The following NRG1 variants were observed in gnomAD, a reference collection of about 807,000 sequenced individuals.
NRG1 encodes pro-neuregulin-1, membrane-bound isoform.
NRG1 carries 18 observed loss-of-function variants against 63.8 expected under a neutral mutation model. The ratio of observed to expected loss-of-function variants is 0.28; its 90% CI spans 0.19 to 0.42. The LOEUF (loss-of-function observed/expected upper bound fraction) is 0.42. NRG1 is among the 10% of genes least tolerant of loss of function. NRG1 has a pLI of 1.00. For synonymous variants in NRG1, 302 were observed against 301.3 expected (o/e 1.00, Z -0.02); for missense variants, 762 against 814.7 (o/e 0.94, Z 0.79).
chr8:32,247,005 G>A (rs1466397042), intron 1 of NRG1, among the ~76,000 whole-genome samples: 3 of 151,916 alleles, frequency 2.0e-5, no homozygotes, highest in Non-Finnish European at 4.4e-5. Flanking sequence ...AAGTGATGTC[G>A]TTAACTGGCT....
chr8:32,568,317 C>T (rs1027640234), intron 1 of NRG1, among the ~76,000 whole-genome samples: 1 of 152,152 alleles, frequency 6.6e-6, no homozygotes. Flanking sequence ...CTCACTGAAT[C>T]TCTTTGAGCT....
At chr8:31,854,302 T>G (rs906082470) in intron 1 of NRG1, among the ~76,000 whole-genome samples, 1 of 152,236 alleles carries the variant, frequency 6.6e-6, no homozygotes, top group Non-Finnish European at 1.5e-5. Flanking sequence ...CTGTTATTGG[T>G]CTACTCAGAG....
At chr8:32,241,227 C>A (rs1848067657) in intron 1 of NRG1, among the ~76,000 whole-genome samples, 1 of 152,094 alleles carries the variant, frequency 6.6e-6, no homozygotes, top group South Asian at 2.1e-4. Context: ...GCTGGTCAGA[C>A]CACACTCTGG....
At chr8:32,585,424 T>C (rs1475396203) in intron 1 of NRG1, among the ~76,000 whole-genome samples, 1 of 152,182 alleles carries the variant, frequency 6.6e-6, no homozygotes, top group Non-Finnish European at 1.5e-5. Context: ...GCAGGCCTGC[T>C]GAACACTTAC....
chr8:32,185,632 T>G (rs957449086), intron 1 of NRG1, among the ~76,000 whole-genome samples: 2 of 152,174 alleles, frequency 1.3e-5, no homozygotes, highest in Non-Finnish European at 2.9e-5. Flanking sequence ...CATAGAATAA[T>G]AGAGAGTGAA....
chr8:31,844,577 C>A (rs1001269887), intron 1 of NRG1, among the ~76,000 whole-genome samples: 1 of 152,142 alleles, frequency 6.6e-6, no homozygotes, highest in African/African-American at 2.4e-5. Flanking sequence ...GCTTCATGAA[C>A]TAAATTACCC....
At chr8:32,307,817 C>T (rs905416841) in intron 1 of NRG1, among the ~76,000 whole-genome samples, 4 of 151,742 alleles carry the variant, frequency 2.6e-5, no homozygotes, top group Non-Finnish European at 4.4e-5. Context: ...TTTTTGTTAC[C>T]TCTCACAACC....
intron 1 of NRG1, among the ~76,000 whole-genome samples, chr8:31,837,409 T>C (rs1358945944): frequency 1.3e-5 from 2 of 152,122 alleles, no homozygotes; most frequent in African/African-American, 4.8e-5. Context: ...ATGTTTATGG[T>C]TTACCATGTG....
Position 31,992,491 on chromosome 8 carries a change from T to C in NRG1, c.37+353060T>C, listed in dbSNP as rs553605051. 3.6e-4 allele frequency among the ~76,000 whole-genome samples: 55 copies of C among 152,058 alleles called. 1 individual carries two copies. The South Asian group carries it at 0.011, about 32-fold the overall frequency. On this transcript the variant is annotated intron_variant, in intron 1 of 10. Coordinates refer to the NRG1 transcript ENST00000519301. Reference sequence around the variant, plus strand: ...TTTGATGTTAAAACTAGGAGCCAAATGCAGGCAGGGAATACTGTGGGAAGA... The same window carrying C: ...TTTGATGTTAAAACTAGGAGCCAAACGCAGGCAGGGAATACTGTGGGAAGA...
chr8:32,558,928 AAGTT>A (rs1257962506), intron 1 of NRG1, among the ~76,000 whole-genome samples: 3 of 151,842 alleles, frequency 2.0e-5, no homozygotes, highest in South Asian at 2.1e-4. Flanking sequence ...AAAATCCAAA[AAGTT>A]AGCCGGGCAA....
intron 1 of NRG1, among the ~76,000 whole-genome samples, chr8:32,023,261 C>A (rs181831374): frequency 3.2e-4 from 49 of 152,252 alleles, no homozygotes; most frequent in African/African-American, 1.1e-3. Flanking sequence ...AAACGCAGTT[C>A]AAGAAATGGC....
At chr8:32,748,311 A>G (rs1371447242) in intron 7 of NRG1, among the ~76,000 whole-genome samples, 1 of 151,370 alleles carries the variant, frequency 6.6e-6, no homozygotes, top group Non-Finnish European at 1.5e-5. Flanking sequence ...TTGACCACAC[A>G]CATAGGCGCA....
chr8:32,143,149 G>A (rs6468085), intron 1 of NRG1, among the ~76,000 whole-genome samples: 22,690 of 152,066 alleles, frequency 0.15, 1,803 homozygotes, highest in East Asian at 0.22. Context: ...GGGGACAGTG[G>A]GATCCATGTG....
chr8:31,840,349 C>CTTTTTTTTTT (rs71992716), intron 1 of NRG1, among the ~76,000 whole-genome samples: 31 of 116,790 alleles, frequency 2.7e-4, no homozygotes, highest in East Asian at 1.3e-3. Flanking sequence ...TATTCTCTGT[C>CTTTTTTTTTT]TTTTTTTTTT....
At chr8:32,058,786 C>T (rs1354408312) in intron 1 of NRG1, among the ~76,000 whole-genome samples, 7 of 151,938 alleles carry the variant, frequency 4.6e-5, no homozygotes, top group African/African-American at 1.7e-4. Context: ...AAGTCATTTT[C>T]TTGTTCTGAT....
rs566836283 is a variant in NRG1, at chr8:32,419,515, G to T, written c.38-176313G>T. ...GGTAGAACTAGACCCCAATCAATGT[G>T]CCCTATAAATACCCAAGTCTTTAAA... On this transcript the variant is annotated intron_variant, in intron 1 of 10. Coordinates refer to the NRG1 transcript ENST00000519301. Among the ~76,000 whole-genome samples, 4 of 152,254 alleles carry T rather than the reference G, an allele frequency of 2.6e-5. No individual in the cohort carries two copies. The East Asian group carries it at 7.7e-4, about 29-fold the overall frequency.
chr8:31,940,311 C>T (rs1295801231), intron 1 of NRG1, among the ~76,000 whole-genome samples: 4 of 151,766 alleles, frequency 2.6e-5, no homozygotes, highest in Non-Finnish European at 5.9e-5. Context: ...ATTGAGTCAA[C>T]AAGGAAATCA....
At chr8:32,264,412 G>A (rs1340056102) in intron 1 of NRG1, among the ~76,000 whole-genome samples, 1 of 152,200 alleles carries the variant, frequency 6.6e-6, no homozygotes, top group South Asian at 2.1e-4. Context: ...ACAAAAAAAT[G>A]TGTATAATCA....
intron 1 of NRG1, among the ~76,000 whole-genome samples, chr8:31,650,430 G>A (rs778250658): frequency 6.6e-6 from 1 of 152,072 alleles, no homozygotes; most frequent in Non-Finnish European, 1.5e-5. Context: ...CATCCACTCT[G>A]ACTGCTCCCT....
Sources: gnomAD v4.1 joint callset for allele counts (sites outside exome capture counted in the v4.1 genomes callset) on GRCh38, gnomAD v4.1.1 for gene constraint, MANE v1.5 for transcripts, NCBI Gene and HGNC (gene_info 2026-07-23, HGNC 2026-07-21) for gene names.